GRIA4: variants seen among roughly 807,000 people sequenced by gnomAD.
GRIA4 encodes glutamate ionotropic receptor AMPA type subunit 4.
Under a neutral mutation model 104.0 loss-of-function variants are expected in GRIA4, and 34 were observed. The observed-to-expected ratio is 0.33, with a 90% confidence interval of 0.25 to 0.44. GRIA4 has a LOEUF of 0.44. GRIA4 is among the 20% of genes least tolerant of loss of function. The pLI, the probability that GRIA4 is intolerant of heterozygous loss-of-function variation, is 1.00. For missense variants in GRIA4, 750 were observed against 1,096.5 expected (o/e 0.68, Z 4.46); for synonymous variants, 386 against 381.9 (o/e 1.01, Z -0.13).
intron 11 of GRIA4, among the ~76,000 whole-genome samples, chr11:105,922,120 A>T (rs1947581726): frequency 6.6e-6 from 1 of 152,172 alleles, no homozygotes; most frequent in Admixed American, 6.6e-5. Context: ...ATACATTTTA[A>T]AGTGCTCACA....
intron 4 of GRIA4, among the ~76,000 whole-genome samples, chr11:105,842,528 A>G (rs1944431328): frequency 6.6e-6 from 1 of 152,156 alleles, no homozygotes; most frequent in African/African-American, 2.4e-5. Context: ...GGTAGAACCA[A>G]AGGGGTTTAC....
intron 3 of GRIA4, among the ~76,000 whole-genome samples, chr11:105,750,319 T>A (rs1310758995): frequency 6.6e-6 from 1 of 152,084 alleles, no homozygotes; most frequent in Non-Finnish European, 1.5e-5. Context: ...GCTAAGCCTA[T>A]GATCTAGACA....
intron 3 of GRIA4, among the ~76,000 whole-genome samples, chr11:105,653,919 G>A (rs538046469): frequency 7.2e-6 from 1 of 138,480 alleles, no homozygotes; most frequent in East Asian, 2.3e-4. Context: ...GTTTGTGGGG[G>A]AAAATGACCT....
chr11:105,794,512 TACATATAC>T (rs1942394040), intron 4 of GRIA4, among the ~76,000 whole-genome samples: 2 of 106,890 alleles, frequency 1.9e-5, no homozygotes, highest in Non-Finnish European at 3.8e-5. Context: ...TATATATATA[TACATATAC>T]ACACACACAC....
chr11:105,806,951 G>A (rs1161005994), intron 4 of GRIA4, among the ~76,000 whole-genome samples: 2 of 151,588 alleles, frequency 1.3e-5, no homozygotes, highest in African/African-American at 4.8e-5. Flanking sequence ...AAAGACAAAG[G>A]AAATATAGAA....
chr11:105,875,681 A>C (rs1945792409), intron 5 of GRIA4, among the ~76,000 whole-genome samples: 1 of 152,004 alleles, frequency 6.6e-6, no homozygotes, highest in African/African-American at 2.4e-5. Context: ...TTTCTTCTCG[A>C]TGTTCTAGTT....
Position 105,853,716 on chromosome 11 carries a change from GGAT to G in GRIA4, c.488-8307_488-8305del, listed in dbSNP as rs528077368. ...CCTGGCTCTTATACAGATAAGTACA[GGAT>G]TGGTGGGGTGGGGGGAGTGTAGAAT... On this transcript the variant is annotated intron_variant, in intron 4 of 16. Coordinates refer to ENST00000282499, the MANE Select transcript of GRIA4 (RefSeq NM_000829.4). Among the ~76,000 whole-genome samples, 25 of 152,244 alleles carry G rather than the reference GGAT, an allele frequency of 1.6e-4. 1 individual carries two copies. The highest frequency in any genetic ancestry group is 6.0e-4 in the African/African-American group (25 of 41,548).
chr11:105,827,974 C>T (rs145680085), intron 4 of GRIA4, among the ~76,000 whole-genome samples: 43 of 152,080 alleles, frequency 2.8e-4, no homozygotes, highest in African/African-American at 7.2e-4. Context: ...ATGTGGCAAG[C>T]ACTTTTTATA....
At chr11:105,931,821 G>A (rs1326577207) in intron 13 of GRIA4, among the ~76,000 whole-genome samples, 3 of 152,024 alleles carry the variant, frequency 2.0e-5, no homozygotes, top group Non-Finnish European at 4.4e-5. Flanking sequence ...ACTTATTTCC[G>A]AACTTATGAA....
chr11:105,663,204 C>T (rs1952065550), intron 3 of GRIA4, among the ~76,000 whole-genome samples: 1 of 151,636 alleles, frequency 6.6e-6, no homozygotes, highest in Non-Finnish European at 1.5e-5. Flanking sequence ...TTACTCAAGC[C>T]ATTTTTAATT....
intron 3 of GRIA4, 61 bp from the exon 4 acceptor site, chr11:105,752,920 C>G: frequency 6.6e-7 from 1 of 1,520,388 alleles, no homozygotes; most frequent in Non-Finnish European, 9.1e-7. Context: ...AGAATGTAGA[C>G]TTCAAAGTCA....
At chr11:105,654,944 C>T (rs1346219344) in intron 3 of GRIA4, among the ~76,000 whole-genome samples, 1 of 152,116 alleles carries the variant, frequency 6.6e-6, no homozygotes, top group African/African-American at 2.4e-5. Context: ...ACTTCTGACC[C>T]TAATTTCTGT....
chr11:105,805,394 A>T (rs2135851250), intron 4 of GRIA4, among the ~76,000 whole-genome samples: 1 of 151,130 alleles, frequency 6.6e-6, no homozygotes, highest in Non-Finnish European at 1.5e-5. Context: ...ATGAACAATT[A>T]AGTCTCTAAA....
intron 3 of GRIA4, among the ~76,000 whole-genome samples, chr11:105,674,997 C>A (rs1474149492): frequency 6.6e-6 from 1 of 151,764 alleles, no homozygotes; most frequent in Non-Finnish European, 1.5e-5. Context: ...GAAATCCCTG[C>A]ATGGAGAACA....
intron 3 of GRIA4, among the ~76,000 whole-genome samples, chr11:105,731,603 A>T (rs1267274291): frequency 6.6e-6 from 1 of 152,216 alleles, no homozygotes; most frequent in Non-Finnish European, 1.5e-5. Flanking sequence ...ACTATTCACA[A>T]TAGCAAAGAC....
intron 4 of GRIA4, among the ~76,000 whole-genome samples, chr11:105,834,712 C>T (rs1455872123): frequency 9.1e-5 from 12 of 131,618 alleles, no homozygotes; most frequent in South Asian, 2.5e-4. Context: ...TACAAAAAGA[C>T]TTTTTTTTTT....
chr11:105,827,468 A>G (rs1457627564), intron 4 of GRIA4, among the ~76,000 whole-genome samples: 1 of 152,056 alleles, frequency 6.6e-6, no homozygotes, highest in African/African-American at 2.4e-5. Context: ...CTCATGTTAA[A>G]TAAACTTATC....
At chr11:105,704,668 T>G (rs1424733437) in intron 3 of GRIA4, among the ~76,000 whole-genome samples, 2 of 152,060 alleles carry the variant, frequency 1.3e-5, no homozygotes, top group Non-Finnish European at 2.9e-5. Flanking sequence ...CCTTTTACAA[T>G]TAAAACACAA....
At chr11:105,661,242 C>T (rs1230976760) in intron 3 of GRIA4, among the ~76,000 whole-genome samples, 1 of 151,438 alleles carries the variant, frequency 6.6e-6, no homozygotes, top group Non-Finnish European at 1.5e-5. Flanking sequence ...GTATTTATAT[C>T]TATTACAGTA....
Sources: allele counts gnomAD v4.1 joint callset (sites outside exome capture counted in the v4.1 genomes callset), GRCh38; gene constraint gnomAD v4.1.1; transcripts MANE v1.5; gene names NCBI Gene and HGNC (gene_info 2026-07-23, HGNC 2026-07-21).